The following CADPS variants were observed in gnomAD, a reference collection of about 807,000 sequenced individuals.
The protein encoded by CADPS is calcium-dependent secretion activator 1.
A neutral mutation model predicts 167.3 loss-of-function variants in CADPS; 57 were observed. The ratio of observed to expected loss-of-function variants is 0.34; its 90% confidence interval spans 0.28 to 0.42. The LOEUF (loss-of-function observed/expected upper bound fraction) is 0.42. Ranked by LOEUF, CADPS falls within the 20% of genes least tolerant of loss-of-function variation. The probability of loss-of-function intolerance (pLI) is 1.00; values close to 1 mark genes in which losing one functional copy is unlikely to be tolerated. For missense variants in CADPS, 1,414 were observed against 1,738.1 expected (o/e 0.81, Z 3.32); for synonymous variants, 676 against 635.3 (o/e 1.06, Z -0.96).
At chr3:62,669,637 T>G (rs1011734836) in intron 3 of CADPS, among the ~76,000 whole-genome samples, 8 of 152,202 alleles carry the variant, frequency 5.3e-5, no homozygotes, top group African/African-American at 1.4e-4. Context: ...CCTTTCCACT[T>G]TAAAGCTGAG....
At chr3:62,831,906 G>A (rs568681950) in intron 1 of CADPS, among the ~76,000 whole-genome samples, 70 of 152,290 alleles carry the variant, frequency 4.6e-4, no homozygotes, top group African/African-American at 1.7e-3. Flanking sequence ...TGAGAAAACA[G>A]GGATACAGAC....
At chr3:62,764,162 G>A (rs140521829) in intron 2 of CADPS, among the ~76,000 whole-genome samples, 1 of 152,042 alleles carries the variant, frequency 6.6e-6, no homozygotes, top group Non-Finnish European at 1.5e-5. Flanking sequence ...GCCTGACAAG[G>A]GTTCTGCCAT....
In CADPS at chr3:62,821,758, A is replaced by G. The variant is rs566846789; in HGVS notation, c.441+52831T>C. On this transcript the variant is annotated intron_variant, in intron 1 of 29. Coordinates refer to ENST00000383710, the MANE Select transcript of CADPS (RefSeq NM_003716.4). ...AGGTATCAGGGGTTAGGGTTTCAAC[A>G]TAAACACTGGGTGACACAGTTCAAT... Among the ~76,000 whole-genome samples, 10 of 152,338 alleles carry G rather than the reference A, an allele frequency of 6.6e-5. No homozygotes were observed. The South Asian group carries it at 2.1e-3, about 32-fold the overall frequency.
chr3:62,530,566 G>T lies in CADPS; in HGVS notation c.2291+2305C>A, dbSNP rs985506429. The T allele has an allele frequency of 3.3e-5, 28 of 850,490 alleles. No homozygotes were observed. In the African/African-American group the frequency reaches 4.3e-4, roughly 13 times the overall value. 52.7% of individuals were successfully genotyped at this position (850,490 alleles called of 1,614,324 possible). A position where few individuals can be genotyped will look rare whatever the true frequency, so the allele number is the denominator to read the frequency against. On this transcript the variant is annotated intron_variant, in intron 13 of 29. Coordinates refer to ENST00000383710, the MANE Select transcript of CADPS (RefSeq NM_003716.4). ...GAGACTTTAGGAATACTCAAAGCTT[G>T]CAAAAGTGGAAGTGATGGCATGGAT...
chr3:62,829,979 C>T (rs2074776330), intron 1 of CADPS, among the ~76,000 whole-genome samples: 1 of 152,132 alleles, frequency 6.6e-6, no homozygotes, highest in African/African-American at 2.4e-5. Context: ...GATTTCTTCC[C>T]TGTCTTCTGT....
chr3:62,624,820 C>T (rs183315282), intron 6 of CADPS, among the ~76,000 whole-genome samples: 2 of 122,680 alleles, frequency 1.6e-5, no homozygotes, highest in Non-Finnish European at 3.6e-5. Context: ...TTCTCTATGG[C>T]CCCACCTCCA....
At chr3:62,795,225 C>A (rs1405055686) in intron 1 of CADPS, among the ~76,000 whole-genome samples, 1 of 152,110 alleles carries the variant, frequency 6.6e-6, no homozygotes, top group African/African-American at 2.4e-5. Flanking sequence ...CAAAACCTCA[C>A]CCTTCTGGTA....
chr3:62,467,365 A>G, intron 24 of CADPS: 1 of 993,854 alleles, frequency 1.0e-6, no homozygotes, highest in Non-Finnish European at 1.3e-6. Flanking sequence ...CAGTGCAAAT[A>G]CAAATTAGGA....
chr3:62,445,712 GAAAAAAAAAAAAAACA>G (rs2149946616), intron 27 of CADPS, 37 bp downstream of exon 27: 2 of 876,924 alleles, frequency 2.3e-6, no homozygotes, highest in Admixed American at 7.6e-5. Flanking sequence ...AAGTAAAAAT[GAAAAAAAAAAAAAACA>G]AAAAAACCCC....
chr3:62,777,149 C>T (rs1443043245), intron 1 of CADPS, among the ~76,000 whole-genome samples: 1 of 152,188 alleles, frequency 6.6e-6, no homozygotes, highest in Non-Finnish European at 1.5e-5. Context: ...AATCACCACA[C>T]ACCATCTTGG....
At position 62,601,878 on chromosome 3, in the gene CADPS, T is replaced by C. The variant is rs952330817; in HGVS notation, c.1326-9130A>G. Among the ~76,000 whole-genome samples, 1 of 152,152 alleles carries C rather than the reference T, an allele frequency of 6.6e-6. No homozygotes were observed. The highest frequency in any genetic ancestry group is 1.5e-5 in the Non-Finnish European group (1 of 68,030). ...GGGGAGAAAATGAGGGAGAAGAATATGCTTTTGGGAGAGTGGAGCTCAGAA... is the reference window on the plus strand; with the variant it reads ...GGGGAGAAAATGAGGGAGAAGAATACGCTTTTGGGAGAGTGGAGCTCAGAA... On this transcript the variant is annotated intron_variant, in intron 6 of 29. Coordinates refer to ENST00000383710, the MANE Select transcript of CADPS (RefSeq NM_003716.4). This position sits in a 1 kb window ranked among gnomAD's most constrained non-coding sequence, Gnocchi z 4.3.
chr3:62,853,623 T>TAA (rs71126559), intron 1 of CADPS, among the ~76,000 whole-genome samples: 16,473 of 118,010 alleles, frequency 0.14, 1,094 homozygotes, highest in African/African-American at 0.16. Flanking sequence ...AAAACTCCAC[T>TAA]AAAAAAAAAA....
At chr3:62,509,917 C>T (rs893339618) in intron 17 of CADPS, among the ~76,000 whole-genome samples, 15 of 152,128 alleles carry the variant, frequency 9.9e-5, no homozygotes, top group African/African-American at 3.6e-4. Flanking sequence ...GAGTTCAAAT[C>T]CTGCTTCAGA....
chr3:62,660,620 C>A (rs1223292981), intron 4 of CADPS, among the ~76,000 whole-genome samples: 2 of 152,134 alleles, frequency 1.3e-5, no homozygotes, highest in Non-Finnish European at 1.5e-5. Flanking sequence ...TCCATACCTC[C>A]AAGTCTGGAG....
At chr3:62,695,214 T>C (rs532215964) in intron 3 of CADPS, among the ~76,000 whole-genome samples, 4 of 152,156 alleles carry the variant, frequency 2.6e-5, no homozygotes, top group African/African-American at 4.8e-5. Flanking sequence ...AGGGAAAGAA[T>C]GTTTTCTCAA....
intron 3 of CADPS, among the ~76,000 whole-genome samples, chr3:62,737,956 A>G (rs1295930555): frequency 1.3e-5 from 2 of 152,030 alleles, no homozygotes; most frequent in Non-Finnish European, 2.9e-5. Flanking sequence ...GACATAATAT[A>G]CTTTTTTTTT....
intron 3 of CADPS, among the ~76,000 whole-genome samples, chr3:62,666,412 A>G (rs1442686326): frequency 6.6e-6 from 1 of 152,178 alleles, no homozygotes; most frequent in Non-Finnish European, 1.5e-5. Flanking sequence ...CTGGAAAGAA[A>G]AAGCAAGAGA....
chr3:62,478,392 A>T lies in CADPS; in HGVS notation c.3198T>A (p.Asp1066Glu). 2 of 1,613,750 alleles carry T rather than the reference A, an allele frequency of 1.2e-6. No homozygotes were observed. The highest frequency in any genetic ancestry group is 1.7e-6 in the Non-Finnish European group (2 of 1,179,780). The change falls in exon 23 of 30, where the codon GAT becomes GAA. Residue 1066 changes from aspartate to glutamate, a missense_variant. This residue lies in a region of CADPS where 529 missense variants were observed against 629.6 expected (regional missense o/e 0.84). Transcript: ENST00000383710. The surrounding 1 kb of genome is among the most constrained non-coding windows in gnomAD (Gnocchi z 5.7). ...GAAGGGCGTCAAGTTTCCAAAACAG[A>T]TCTTCTGAGGTGCCTGACCCATTAC... ...DADNGSGTSE[D>E]LFWKLDALQT...
intron 1 of CADPS, among the ~76,000 whole-genome samples, chr3:62,795,249 C>T (rs183657229): frequency 1.3e-5 from 2 of 152,020 alleles, no homozygotes; most frequent in Non-Finnish European, 2.9e-5. Flanking sequence ...TTTTTGAAAT[C>T]ACCATCTCTA....
Sources: allele counts gnomAD v4.1 joint callset (sites outside exome capture counted in the v4.1 genomes callset), GRCh38; gene constraint gnomAD v4.1.1; regional missense constraint gnomAD v4.1.1; non-coding constraint Gnocchi (gnomAD v3.1); transcripts MANE v1.5; gene names NCBI Gene and HGNC (gene_info 2026-07-23, HGNC 2026-07-21).